Variants in FARP1 observed in about 807,000 individuals in gnomAD.
The protein encoded by FARP1 is FERM, ARH/RhoGEF and pleckstrin domain protein 1, also known as FERM, ARHGEF and pleckstrin domain-containing protein 1.
Under a neutral mutation model 128.8 loss-of-function variants are expected in FARP1, and 52 were observed. That is an observed-to-expected ratio of 0.40 (90% CI 0.32 to 0.51). The LOEUF (loss-of-function observed/expected upper bound fraction) is 0.51, where lower values mean the gene tolerates loss of function less well. FARP1 is among the 20% of genes least tolerant of loss of function. The pLI, the probability that FARP1 is intolerant of heterozygous loss-of-function variation, is 0.45. For missense variants in FARP1, 1,333 were observed against 1,367.9 expected (o/e 0.97, Z 0.40); for synonymous variants, 580 against 551.8 (o/e 1.05, Z -0.72).
At position 98,453,868 on chromosome 13, in the gene FARP1, A is replaced by G. The variant is rs922347833; in HGVS notation, c.*5551A>G. On this transcript the variant is annotated 3_prime_UTR_variant, in exon 27 of 27. Transcript: ENST00000319562. ...TATGTACAAGTTTAAAAGTACATAC[A>G]AAATTACAGATTGGGCATCCCTTAT... The G allele has an allele frequency of 7.9e-5, 12 of 152,266 alleles. No homozygotes were observed. The highest frequency in any genetic ancestry group is 2.7e-4 in the African/African-American group (11 of 41,462). 9.4% of individuals were successfully genotyped at this position (152,266 alleles called of 1,614,324 possible). A position where few individuals can be genotyped will look rare whatever the true frequency, so the allele number is the denominator to read the frequency against.
intron 2 of FARP1, among the ~76,000 whole-genome samples, chr13:98,304,905 G>A (rs1886074418): frequency 6.6e-6 from 1 of 152,154 alleles, no homozygotes; most frequent in African/African-American, 2.4e-5. Flanking sequence ...AACAAAGCAT[G>A]TGCCACAAAG....
intron 24 of FARP1, among the ~76,000 whole-genome samples, chr13:98,442,350 C>T (rs12855914): frequency 0.055 from 8,419 of 152,282 alleles, 243 homozygotes; most frequent in South Asian, 0.12. Flanking sequence ...AAACGACCTT[C>T]CCCGTTGCTC....
intron 2 of FARP1, among the ~76,000 whole-genome samples, chr13:98,258,185 T>G (rs1387264696): frequency 6.6e-6 from 1 of 152,108 alleles, no homozygotes; most frequent in Non-Finnish European, 1.5e-5. Context: ...GCAAGGATGG[T>G]CTCAATCTCC....
At chr13:98,191,278 T>C (rs1367448117) in intron 1 of FARP1, among the ~76,000 whole-genome samples, 1 of 152,034 alleles carries the variant, frequency 6.6e-6, no homozygotes, top group East Asian at 1.9e-4. Flanking sequence ...ACCTTGGGAG[T>C]CTCGGACTGG....
intron 2 of FARP1, among the ~76,000 whole-genome samples, chr13:98,318,341 G>GCCA (rs1313282979): frequency 6.6e-6 from 1 of 152,100 alleles, no homozygotes; most frequent in Non-Finnish European, 1.5e-5. Flanking sequence ...TCAGGCATGA[G>GCCA]CCACCACTCC....
In FARP1 at chr13:98,417,465, A is replaced by AGG. The variant is rs1486659339; in HGVS notation, c.1826+5431_1826+5432insGG. On this transcript the variant is annotated intron_variant, in intron 16 of 26. Transcript: ENST00000319562. ...GGCCACCAGAGGTTTGAAAAAAAAA[A>AGG]AAAAAAAAAAAAAAAAAAAGAACAC... is the stretch of plus-strand genomic sequence containing the variant. Among the ~76,000 whole-genome samples the AGG allele has an allele frequency of 5.5e-4, 73 of 132,622 alleles. 4 individuals are homozygous for AGG. Among genetic ancestry groups the AGG allele is most frequent in the Middle Eastern group, 3.8e-3 (1 of 266 alleles). The allele number at this position is 132,622 out of a possible 152,430, so 87.0% of individuals were successfully genotyped here. A position where few individuals can be genotyped will look rare whatever the true frequency, so the allele number is the denominator to read the frequency against.
intron 6 of FARP1, among the ~76,000 whole-genome samples, chr13:98,380,171 G>C (rs1889836891): frequency 6.6e-6 from 1 of 152,130 alleles, no homozygotes; most frequent in South Asian, 2.1e-4. Flanking sequence ...TTTTGGCCAG[G>C]CATGGTGGCT....
intron 16 of FARP1, among the ~76,000 whole-genome samples, chr13:98,422,766 C>G (rs16955512): frequency 0.16 from 25,081 of 152,032 alleles, 2,220 homozygotes; most frequent in Middle Eastern, 0.26. Flanking sequence ...CTTGATGTAT[C>G]GGAGATTGAG....
At chr13:98,418,565 C>T (rs1462809488) in intron 16 of FARP1, among the ~76,000 whole-genome samples, 14 of 152,194 alleles carry the variant, frequency 9.2e-5, no homozygotes, top group Non-Finnish European at 1.0e-4. Context: ...TGAGCTTCCA[C>T]GCCTGGCTAG....
intron 2 of FARP1, among the ~76,000 whole-genome samples, chr13:98,241,341 G>GT (rs1167389147): frequency 1.3e-5 from 2 of 151,932 alleles, no homozygotes; most frequent in Non-Finnish European, 2.9e-5. Context: ...ACCTCCAGGG[G>GT]AGTGTGGGGC....
intron 2 of FARP1, among the ~76,000 whole-genome samples, chr13:98,219,859 G>A (rs1306000892): frequency 6.6e-6 from 1 of 151,638 alleles, no homozygotes; most frequent in Non-Finnish European, 1.5e-5. Context: ...GTAGAGACAG[G>A]GGTCTCGCTA....
At chr13:98,356,739 A>G (rs1888661586) in intron 3 of FARP1, among the ~76,000 whole-genome samples, 1 of 152,004 alleles carries the variant, frequency 6.6e-6, no homozygotes, top group East Asian at 1.9e-4. Flanking sequence ...TCCAGGTTCC[A>G]GTGATTCTCC....
In FARP1 at chr13:98,448,205, A is replaced by G. The variant is rs116653715; in HGVS notation, c.3057-31A>G. 2.9e-3 allele frequency: 4,579 copies of G among 1,594,828 alleles called. 108 individuals carry two copies. In the African/African-American group the frequency reaches 0.052, roughly 18 times the overall value. On this transcript the variant is annotated intron_variant, in intron 26 of 26. Coordinates refer to ENST00000319562, the MANE Select transcript of FARP1 (RefSeq NM_005766.4). ...AGTGTCAGGAGTCCGTCCAAACAAA[A>G]GGTTGACTAACTGGCGTTCCCGTGT...
chr13:98,435,656 G>C lies in FARP1; in HGVS notation c.2224G>C (p.Glu742Gln), dbSNP rs763611598. 1.9e-6 allele frequency: 3 copies of C among 1,614,130 alleles called. No homozygotes were observed. The highest frequency in any genetic ancestry group is 1.7e-6 in the Non-Finnish European group (2 of 1,180,020). ...GATGGAGAATTTCCAGAAGCTGCAC[G>C]AACTCAAGAAAGATTTGATTGGCAT... The part of the protein sequence containing the change: ...IKMENFQKLH[E>Q]LKKDLIGIDN... The change falls in exon 19 of 27, where the codon GAA becomes CAA. Residue 742 changes from glutamate (E) to glutamine (Q), a missense_variant. By Grantham distance (29) the Glu-to-Gln change is conservative (BLOSUM62 2). Around this residue, in one of 2 missense-constraint regions of FARP1, gnomAD observed 1,009 missense variants for 969.8 expected, o/e 1.04. Coordinates refer to ENST00000319562, the MANE Select transcript of FARP1 (RefSeq NM_005766.4).
chr13:98,367,295 T>C (rs1348791060), intron 4 of FARP1, among the ~76,000 whole-genome samples: 1 of 152,108 alleles, frequency 6.6e-6, no homozygotes, highest in East Asian at 1.9e-4. Context: ...TAGCTGGGAT[T>C]ATAGGCGCCC....
intron 6 of FARP1, chr13:98,382,413 A>G (rs943235325): frequency 6.6e-6 from 1 of 152,180 alleles, no homozygotes; most frequent in African/African-American, 2.4e-5. Flanking sequence ...AGAGAATTAG[A>G]CGTCTCCACC....
chr13:98,319,165 A>G (rs1056791047), intron 2 of FARP1, among the ~76,000 whole-genome samples: 7 of 151,622 alleles, frequency 4.6e-5, no homozygotes, highest in Admixed American at 1.3e-4. Context: ...GGGTGTTGCT[A>G]TGTTGCCCAG....
intron 18 of FARP1, chr13:98,432,899 C>T (rs1038581389): frequency 1.4e-5 from 1 of 72,114 alleles, no homozygotes; most frequent in Non-Finnish European, 3.0e-5. Flanking sequence ...CAACCCTGCA[C>T]TAGGGCCGTG....
chr13:98,349,601 G>A (rs1211387409), intron 3 of FARP1, among the ~76,000 whole-genome samples: 3 of 146,960 alleles, frequency 2.0e-5, no homozygotes, highest in Non-Finnish European at 4.5e-5. Context: ...AACCCAGGAG[G>A]CGGAGGATGC....
Sources: allele counts gnomAD v4.1 joint callset (sites outside exome capture counted in the v4.1 genomes callset), GRCh38; gene constraint gnomAD v4.1.1; regional missense constraint gnomAD v4.1.1; transcripts MANE v1.5; gene names NCBI Gene and HGNC (gene_info 2026-07-23, HGNC 2026-07-21).